Variants in PADI4 observed in about 807,000 individuals in gnomAD.
PADI4 encodes the protein protein-arginine deiminase type-4.
PADI4 carries 62 observed loss-of-function variants against 75.0 expected under a neutral mutation model. The observed-to-expected ratio is 0.83, with a 90% CI of 0.67 to 1.02. The LOEUF is 1.02. Among genes scored for constraint, PADI4 ranks in the 50% least tolerant of loss-of-function variants. The pLI, the probability that PADI4 is intolerant of heterozygous loss-of-function variation, is 0.00. For missense variants in PADI4, 845 were observed against 850.5 expected (o/e 0.99, Z 0.08); for synonymous variants, 361 against 348.1 (o/e 1.04, Z -0.41).
intron 14 of PADI4, 23 bp from the exon 15 acceptor site, chr1:17,359,257 A>G (rs375149689): frequency 2.2e-5 from 22 of 1,008,068 alleles, no homozygotes; most frequent in Middle Eastern, 3.9e-4. Context: ...TCCCCCACTC[A>G]CTGCCCCTGC....
intron 1 of PADI4, among the ~76,000 whole-genome samples, chr1:17,317,589 C>G (rs938916255): frequency 6.6e-6 from 1 of 151,732 alleles, no homozygotes; most frequent in African/African-American, 2.4e-5. Flanking sequence ...TTTATTTATT[C>G]TGTCCTGTGC....
Position 17,346,127 on chromosome 1 carries a change from C to G in PADI4, c.1035C>G (p.Asp345Glu). Residue 345 changes from aspartate (D) to glutamate (E), a missense_variant, in exon 9 of 16, where the codon GAC (aspartate) becomes GAG (glutamate). Coordinates refer to ENST00000375448, the MANE Select transcript of PADI4 (RefSeq NM_012387.3). The surrounding 1 kb of genome is among the most constrained non-coding windows in gnomAD (Gnocchi z 4.3). ...GCCCTGAGGAGGAGAACATGGATGA[C>G]CAGTGGATGCAGGTATGTGCCCTGC... is the stretch of plus-strand genomic sequence containing the variant. ...TICPEEENMD[D>E]QWMQDEMEIG... The G allele has an allele frequency of 6.2e-7, 1 of 1,609,654 alleles. No individual in the cohort carries two copies. Among genetic ancestry groups the G allele is most frequent in the Non-Finnish European group, 8.5e-7 (1 of 1,175,980 alleles).
intron 10 of PADI4, among the ~76,000 whole-genome samples, chr1:17,352,768 G>T (rs1026318156): frequency 6.6e-6 from 1 of 152,224 alleles, no homozygotes; most frequent in East Asian, 1.9e-4. Flanking sequence ...GGGCAAGTGG[G>T]AGACAATTGG....
chr1:17,329,424 A>G lies in PADI4; in HGVS notation c.93-1545A>G, dbSNP rs947968712. On this transcript the variant is annotated intron_variant, in intron 1 of 15. Transcript: ENST00000375448. ...TGGGAGGCTTACCAGTAACATAAAC[A>G]GTTGATTAACAGATATTTTGTATGT... is the stretch of plus-strand genomic sequence containing the variant. Among the ~76,000 whole-genome samples the G allele has an allele frequency of 2.6e-5, 4 of 152,204 alleles. No homozygotes were observed. In the East Asian group the frequency reaches 5.8e-4, roughly 22 times the overall value.
chr1:17,356,582 C>G lies in PADI4; in HGVS notation c.1558+123C>G, dbSNP rs1460944971. The G allele has an allele frequency of 4.7e-6, 3 of 644,638 alleles. No individual in the cohort carries two copies. Among genetic ancestry groups the G allele is most frequent in the East Asian group, 2.7e-5 (1 of 36,552 alleles). 39.9% of individuals were successfully genotyped at this position (644,638 alleles called of 1,614,324 possible). A position where few individuals can be genotyped will look rare whatever the true frequency, so the allele number is the denominator to read the frequency against. ...CTGAGCACCTACTGTGCGCCAGGCA[C>G]TGTGCCAAGTGCTAGGGAGACTGCA... On this transcript the variant is annotated intron_variant, in intron 13 of 15. Coordinates refer to ENST00000375448, the MANE Select transcript of PADI4 (RefSeq NM_012387.3). The surrounding 1 kb of genome is among the most constrained non-coding windows in gnomAD (Gnocchi z 4.1).
At chr1:17,327,637 G>A (rs1019267407) in intron 1 of PADI4, among the ~76,000 whole-genome samples, 4 of 151,792 alleles carry the variant, frequency 2.6e-5, no homozygotes, top group Non-Finnish European at 5.9e-5. Context: ...TGCCTCTCGG[G>A]TTCAAGCAAT....
chr1:17,325,546 CTT>C (rs960997638), intron 1 of PADI4, among the ~76,000 whole-genome samples: 16 of 152,050 alleles, frequency 1.1e-4, no homozygotes, highest in Non-Finnish European at 2.4e-4. Flanking sequence ...TTAATTCACT[CTT>C]TTGGAGTTTG....
intron 1 of PADI4, among the ~76,000 whole-genome samples, chr1:17,325,657 T>C (rs1179516524): frequency 6.6e-6 from 1 of 152,120 alleles, no homozygotes; most frequent in African/African-American, 2.4e-5. Context: ...CTGCAGTGCT[T>C]AGAATCATCC....
At position 17,342,209 on chromosome 1, in the gene PADI4, A is replaced by G. The variant is rs773701993; in HGVS notation, c.831+88A>G. ...AAAGGGGTACAGAGCCCAGCTGGGC[A>G]GGGGGACTCCAAACAGCTGCAGGAA... is the stretch of plus-strand genomic sequence containing the variant. On this transcript the variant is annotated intron_variant, in intron 7 of 15. Transcript: ENST00000375448. 14 of 1,459,014 alleles carry G rather than the reference A, an allele frequency of 9.6e-6. 1 individual carries two copies. Among genetic ancestry groups the G allele is most frequent in the African/African-American group, 1.4e-5 (1 of 71,904 alleles). The allele number at this position is 1,459,014 out of a possible 1,614,324, so 90.4% of individuals were successfully genotyped here. A position where few individuals can be genotyped will look rare whatever the true frequency, so the allele number is the denominator to read the frequency against.
chr1:17,338,118 C>T lies in PADI4; in HGVS notation c.489C>T (p.Ala163=), dbSNP rs776233290. 13 of 1,613,010 alleles carry T rather than the reference C, an allele frequency of 8.1e-6. No homozygotes were observed. Among genetic ancestry groups the T allele is most frequent in the Non-Finnish European group, 1.1e-5 (13 of 1,179,206 alleles). ...ACAGAGACAATCTCGAATCTTCTGC[C>T]ATGGACTGCGAGGATGATGAAGTGC... is the stretch of plus-strand genomic sequence containing the variant. ...NCDRDNLESS[A]MDCEDDEVLD... The change falls in exon 5 of 16, where the codon GCC becomes GCT. Residue 163 remains alanine, a synonymous_variant. Transcript: ENST00000375448.
chr1:17,337,913 CA>C (rs1348216574), intron 4 of PADI4, 124 bp from the exon 5 acceptor site: 5 of 389,048 alleles, frequency 1.3e-5, no homozygotes, highest in African/African-American at 4.2e-5. Context: ...GACTCCGTCT[CA>C]AAAAAATAAT....
chr1:17,322,808 C>A (rs1267983322), intron 1 of PADI4, among the ~76,000 whole-genome samples: 1 of 151,804 alleles, frequency 6.6e-6, no homozygotes, highest in Non-Finnish European at 1.5e-5. Flanking sequence ...TTCCTTCTTT[C>A]TTTCCTTCTT....
At chr1:17,320,696 C>T (rs1479948828) in intron 1 of PADI4, among the ~76,000 whole-genome samples, 2 of 152,162 alleles carry the variant, frequency 1.3e-5, no homozygotes, top group Non-Finnish European at 1.5e-5. Context: ...TCACTCTCGT[C>T]ATCGTCTTGG....
chr1:17,335,816 G>A (rs751141661), intron 3 of PADI4, among the ~76,000 whole-genome samples: 4 of 152,246 alleles, frequency 2.6e-5, no homozygotes, highest in Non-Finnish European at 5.9e-5. Flanking sequence ...GCCTGCAGAG[G>A]CTTCACATCG....
In PADI4 at chr1:17,321,332, C is replaced by A. The variant is rs546011210; in HGVS notation, c.93-9637C>A. On this transcript the variant is annotated intron_variant, in intron 1 of 15. Coordinates refer to ENST00000375448, the MANE Select transcript of PADI4 (RefSeq NM_012387.3). Reference sequence around the variant, plus strand: ...GCACAGGGAGAGCAGCACGGGGGACCACTGGGGGCCAGGCCAGGGCCCACC... The same window carrying A: ...GCACAGGGAGAGCAGCACGGGGGACAACTGGGGGCCAGGCCAGGGCCCACC... Among the ~76,000 whole-genome samples the A allele has an allele frequency of 9.9e-5, 15 of 152,280 alleles. 1 individual carries two copies. In the South Asian group the frequency reaches 3.1e-3, roughly 32 times the overall value.
At position 17,346,250 on chromosome 1, in the gene PADI4, G is replaced by C; in HGVS notation, c.1047+111G>C. The stretch of plus-strand genomic sequence containing the variant: ...GTGCCTCACCGGCCACTCTTCCTTA[G>C]ATGGACAGGGAGATAGGAACCTGAG... On this transcript the variant is annotated intron_variant, in intron 9 of 15. Transcript: ENST00000375448. This position sits in a 1 kb window ranked among gnomAD's most constrained non-coding sequence, Gnocchi z 4.3. 2 of 653,084 alleles carry C rather than the reference G, an allele frequency of 3.1e-6. No homozygotes were observed. Among genetic ancestry groups the C allele is most frequent in the Admixed American group, 2.7e-5 (1 of 36,476 alleles). 40.5% of individuals were successfully genotyped at this position (653,084 alleles called of 1,614,324 possible). A position where few individuals can be genotyped will look rare whatever the true frequency, so the allele number is the denominator to read the frequency against.
chr1:17,336,096 C>A (rs1237035516), intron 3 of PADI4, 63 bp from the exon 4 acceptor site: 7 of 1,154,262 alleles, frequency 6.1e-6, no homozygotes, highest in Non-Finnish European at 9.2e-6. Flanking sequence ...CCATTCAGGG[C>A]CAGGCTGGGT....
At chr1:17,337,781 GGCATGCGCCTATA>G (rs1446933133) in intron 4 of PADI4, among the ~76,000 whole-genome samples, 1 of 152,036 alleles carries the variant, frequency 6.6e-6, no homozygotes, top group South Asian at 2.1e-4. Context: ...CAGGTGTGGT[GGCATGCGCCTATA>G]GTACCAGCTA....
intron 1 of PADI4, among the ~76,000 whole-genome samples, chr1:17,313,810 G>A (rs2073887415): frequency 6.6e-6 from 1 of 152,172 alleles, no homozygotes; most frequent in South Asian, 2.1e-4. Context: ...TATGGAGGGT[G>A]TTGGAAGTTA....
Sources: gnomAD v4.1 joint callset for allele counts (sites outside exome capture counted in the v4.1 genomes callset) on GRCh38, gnomAD v4.1.1 for gene constraint, Gnocchi (gnomAD v3.1) non-coding constraint, MANE v1.5 for transcripts, NCBI Gene and HGNC (gene_info 2026-07-23, HGNC 2026-07-21) for gene names.